The following CFAP45 variants were observed in gnomAD, a reference collection of about 807,000 sequenced individuals.
CFAP45 encodes cilia- and flagella-associated protein 45.
CFAP45 carries 43 observed loss-of-function variants against 75.6 expected under a neutral mutation model. The observed-to-expected ratio is 0.57, with a 90% CI of 0.45 to 0.73. The LOEUF is 0.73. CFAP45 is among the 30% of genes least tolerant of loss of function. CFAP45 has a pLI of 0.00. For synonymous variants in CFAP45, 223 were observed against 244.6 expected, an observed-to-expected ratio of 0.91 and a Z score of 0.82; for missense variants, 689 against 701.5, an observed-to-expected ratio of 0.98 and a Z score of 0.20.
At chr1:159,883,814 C>A (rs777656757) in intron 7 of CFAP45, among the ~76,000 whole-genome samples, 4 of 151,892 alleles carry the variant, frequency 2.6e-5, no homozygotes, top group Admixed American at 2.0e-4. Context: ...TATCCAAGTG[C>A]CTGCCATGTC....
chr1:159,894,928 G>A (rs930635806), intron 1 of CFAP45, among the ~76,000 whole-genome samples: 2 of 152,216 alleles, frequency 1.3e-5, no homozygotes, highest in African/African-American at 4.8e-5. Flanking sequence ...TAAGGAATTG[G>A]CAGTTTTGGG....
In CFAP45 at chr1:159,897,786, C is replaced by T. The variant is rs1479441227; in HGVS notation, c.3+2310G>A. ...TGACCAGAAAAAAAAAACAATAAAA[C>T]AATTTTTATTTGAAAACAAAGCATA... On this transcript the variant is annotated intron_variant, in intron 1 of 11. Transcript: ENST00000368099. Among the ~76,000 whole-genome samples the T allele has an allele frequency of 4.0e-5, 6 of 150,794 alleles. No individual in the cohort carries two copies. The East Asian group carries it at 1.2e-3, about 29-fold the overall frequency.
In CFAP45 at chr1:159,872,548, G is replaced by C; in HGVS notation, c.1593C>G (p.Pro531=). The C allele has an allele frequency of 1.9e-6, 3 of 1,614,086 alleles. No homozygotes were observed. The highest frequency in any genetic ancestry group is 1.1e-5 in the South Asian group (1 of 91,076). Residue 531 remains proline (P), a synonymous_variant, in exon 12 of 12, where the codon CCC becomes CCG. Coordinates refer to ENST00000368099, the MANE Select transcript of CFAP45 (RefSeq NM_012337.3). ...KLEELRATGL[P]EKYCIEAERK... ...GCTCAGCTTCAATGCAGTACTTCTC[G>C]GGAAGGCCAGTGGCTCTGCCGGGGA...
rs368986307 is a variant in CFAP45, at chr1:159,872,478, G to C, written c.*7C>G. On this transcript the variant is annotated 3_prime_UTR_variant, in exon 12 of 12. Coordinates refer to ENST00000368099, the MANE Select transcript of CFAP45 (RefSeq NM_012337.3). ...CGAAGGCATCCTGAGGGCCACGAAG[G>C]CTCCCCTCAGTTCACAGAGGTAGCT... 6 of 1,612,922 alleles carry C rather than the reference G, an allele frequency of 3.7e-6. No homozygotes were observed. In the African/African-American group the frequency reaches 8.0e-5, roughly 22 times the overall value.
At chr1:159,882,802 C>A (rs1376646508) in intron 7 of CFAP45, among the ~76,000 whole-genome samples, 1 of 152,208 alleles carries the variant, frequency 6.6e-6, no homozygotes, top group African/African-American at 2.4e-5. Context: ...TCACTTCTCA[C>A]CCACTACCTT....
intron 1 of CFAP45, among the ~76,000 whole-genome samples, chr1:159,894,034 C>CTGA (rs1649892680): frequency 6.6e-6 from 1 of 152,046 alleles, no homozygotes. Context: ...GCTAACTACC[C>CTGA]TGATTCAATC....
chr1:159,886,523 T>C lies in CFAP45; in HGVS notation c.755A>G (p.Glu252Gly), dbSNP rs1233731805. The part of the protein sequence containing the change: ...RQEELERKRR[E>G]ERIRGRRQIV... ...ACCACATCTTTACCTAATTCTTTCC[T>C]CCCTCCTCTTCCTCTCCAGTTCCTC... Residue 252 changes from glutamate (E) to glycine (G), a missense_variant, in exon 6 of 12, where the codon GAG becomes GGG. Transcript: ENST00000368099. 6 of 1,614,048 alleles carry C rather than the reference T, an allele frequency of 3.7e-6. No individual in the cohort carries two copies. The highest frequency in any genetic ancestry group is 1.6e-4 in the Middle Eastern group (1 of 6,062).
intron 1 of CFAP45, among the ~76,000 whole-genome samples, chr1:159,894,035 T>C (rs903677671): frequency 7.2e-5 from 11 of 152,298 alleles, no homozygotes; most frequent in African/African-American, 2.2e-4. Flanking sequence ...CTAACTACCC[T>C]GATTCAATCA....
At position 159,890,520 on chromosome 1, in the gene CFAP45, T is replaced by G; in HGVS notation, c.232A>C (p.Thr78Pro). The change falls in exon 3 of 12, where the codon ACC becomes CCC. Residue 78 changes from threonine (T) to proline (P), a missense_variant. By Grantham distance (38) the Thr-to-Pro change is conservative. Coordinates refer to ENST00000368099, the MANE Select transcript of CFAP45 (RefSeq NM_012337.3). The stretch of plus-strand genomic sequence containing the variant: ...ATGTCCCGGGTGATGAGCTGGATGG[T>G]CTCTGGCTTGCGATCCAAGCCCAAA... ...TALGLDRKPE[T>P]IQLITRDMVR... 4 of 1,614,122 alleles carry G rather than the reference T, an allele frequency of 2.5e-6. No individual in the cohort carries two copies. The highest frequency in any genetic ancestry group is 3.4e-6 in the Non-Finnish European group (4 of 1,180,010).
intron 6 of CFAP45, among the ~76,000 whole-genome samples, chr1:159,885,870 A>C (rs1649666862): frequency 6.6e-6 from 1 of 152,152 alleles, no homozygotes; most frequent in Non-Finnish European, 1.5e-5. Context: ...TTCCAGGAGG[A>C]AAAGGAAAGA....
chr1:159,872,839 C>T (rs777684458), intron 11 of CFAP45, 105 bp downstream of exon 11: 4 of 1,134,032 alleles, frequency 3.5e-6, no homozygotes, highest in Non-Finnish European at 5.1e-6. Context: ...CCCTGAGCAT[C>T]TCTGCCATGG....
intron 7 of CFAP45, among the ~76,000 whole-genome samples, chr1:159,882,565 C>T (rs1649572758): frequency 2.0e-5 from 3 of 152,184 alleles, no homozygotes; most frequent in African/African-American, 2.4e-5. Flanking sequence ...CGCTGCCCTT[C>T]GTACCACCAT....
chr1:159,875,437 T>C (rs1445150943), intron 10 of CFAP45, among the ~76,000 whole-genome samples: 1 of 152,040 alleles, frequency 6.6e-6, no homozygotes, highest in East Asian at 1.9e-4. Context: ...AGGGGGGACA[T>C]GCTGGGGCCT....
intron 8 of CFAP45, among the ~76,000 whole-genome samples, chr1:159,878,308 TAC>T (rs1649455598): frequency 6.6e-6 from 1 of 152,206 alleles, no homozygotes; most frequent in Non-Finnish European, 1.5e-5. Context: ...GGTTACCAGA[TAC>T]TTAAAGAATG....
chr1:159,884,749 G>A (rs1225492038), intron 6 of CFAP45, among the ~76,000 whole-genome samples, 184 bp from the exon 7 acceptor site: 1 of 152,112 alleles, frequency 6.6e-6, no homozygotes, highest in Non-Finnish European at 1.5e-5. Context: ...GACCTCAAGG[G>A]TTGGCCTCCT....
Position 159,890,587 on chromosome 1 carries a change from C to T in CFAP45, c.165G>A (p.Val55=), listed in dbSNP as rs201673447. 2.3e-5 allele frequency: 37 copies of T among 1,613,988 alleles called. No individual in the cohort carries two copies. In the East Asian group the frequency reaches 7.6e-4, roughly 33 times the overall value. The part of the protein sequence containing the change: ...PAQGQSDSPI[V]LLRDKHTLQK... ...GAAGGGTATGCTTATCTCGGAGCAG[C>T]ACAATGGGGCTGTCGCTCTGGCCCT... Residue 55 remains valine, a synonymous_variant, in exon 3 of 12, where the codon GTG becomes GTA. Coordinates refer to ENST00000368099, the MANE Select transcript of CFAP45 (RefSeq NM_012337.3).
intron 6 of CFAP45, among the ~76,000 whole-genome samples, chr1:159,884,803 C>T (rs771563447): frequency 6.6e-6 from 1 of 152,190 alleles, no homozygotes; most frequent in Non-Finnish European, 1.5e-5. Flanking sequence ...TCCTGAGATT[C>T]TCCTTCTTTA....
chr1:159,897,285 A>C (rs1220957411), intron 1 of CFAP45, among the ~76,000 whole-genome samples: 2 of 148,842 alleles, frequency 1.3e-5, no homozygotes, highest in East Asian at 4.1e-4. Context: ...ATAATAAAGA[A>C]ATACATAAGT....
chr1:159,897,396 C>T (rs1189787689), intron 1 of CFAP45, among the ~76,000 whole-genome samples: 1 of 152,084 alleles, frequency 6.6e-6, no homozygotes, highest in Non-Finnish European at 1.5e-5. Flanking sequence ...CCAGCCTGTC[C>T]AACATGGTGA....
Sources: allele counts gnomAD v4.1 joint callset (sites outside exome capture counted in the v4.1 genomes callset), GRCh38; gene constraint gnomAD v4.1.1; transcripts MANE v1.5; gene names NCBI Gene and HGNC (gene_info 2026-07-23, HGNC 2026-07-21).